Variants in CELSR1 observed in about 807,000 individuals in gnomAD.
CELSR1 encodes the protein cadherin EGF LAG seven-pass G-type receptor 1.
CELSR1 carries 110 observed loss-of-function variants against 249.1 expected under a neutral mutation model. The ratio of observed to expected loss-of-function variants is 0.44; its 90% confidence interval spans 0.38 to 0.52. The LOEUF is 0.52. Among genes scored for constraint, CELSR1 ranks in the 20% least tolerant of loss-of-function variants. CELSR1 has a pLI of 0.00. For synonymous variants in CELSR1, 2,113 were observed against 1,900.0 expected, an observed-to-expected ratio of 1.11 and a Z score of -2.92; for missense variants, 4,109 against 4,296.4, an observed-to-expected ratio of 0.96 and a Z score of 1.22.
Position 46,395,908 on chromosome 22 carries a change from C to G in CELSR1, c.5843+697G>C, listed in dbSNP as rs1460440983. ...CCCAGAGAGCACGCTGCTGCCTGTC[C>G]TAACCACACTAGGATCTCCGCACAC... On this transcript the variant is annotated intron_variant, in intron 13 of 34. Transcript: ENST00000674500. This position sits in a 1 kb window ranked among gnomAD's most constrained non-coding sequence, Gnocchi z 5.5. 6.6e-6 allele frequency among the ~76,000 whole-genome samples: 1 copy of G among 152,214 alleles called. No homozygotes were observed. The highest frequency in any genetic ancestry group is 2.4e-5 in the African/African-American group (1 of 41,450).
rs2080838663 is a variant in CELSR1 at position 46,535,197 on chromosome 22, C to T, written c.1974G>A (p.Glu658=). ...EEVEHYSFGV[E]AVDHGSPPMS... is the part of the protein sequence containing the mutation. ...TGGGGGGCGAGCCGTGGTCCACCGC[C>T]TCCACCCCGAAGCTGTAGTGCTCCA... The change falls in exon 1 of 35, where the codon GAG becomes GAA. Residue 658 remains glutamate, a synonymous_variant. Coordinates refer to ENST00000674500, the MANE Select transcript of CELSR1 (RefSeq NM_001378328.1). 3 of 1,609,346 alleles carry T rather than the reference C, an allele frequency of 1.9e-6. No individual in the cohort carries two copies. The highest frequency in any genetic ancestry group is 2.5e-6 in the Non-Finnish European group (3 of 1,179,856).
intron 1 of CELSR1, among the ~76,000 whole-genome samples, chr22:46,469,190 G>A (rs946339421): frequency 1.3e-5 from 2 of 152,070 alleles, no homozygotes; most frequent in African/African-American, 4.8e-5. Context: ...TCATCCTCAT[G>A]TGGCAGCCAG....
intron 1 of CELSR1, chr22:46,530,306 A>T (rs2080778880): frequency 6.6e-6 from 1 of 150,604 alleles, no homozygotes. Context: ...CACACACATA[A>T]ATTTGTGTAT....
rs2079918266 is a variant in CELSR1 at position 46,454,145 on chromosome 22, G to A, written c.4183+9562C>T. ...GTGGTGGAAGCAGGGGTCGGAGTGA[G>A]GTGAGGAAGGTGCCAGGGACTAAGG... On this transcript the variant is annotated intron_variant, in intron 2 of 34. Transcript: ENST00000674500. The surrounding 1 kb of genome is among the most constrained non-coding windows in gnomAD (Gnocchi z 5.1). 1.3e-5 allele frequency among the ~76,000 whole-genome samples: 2 copies of A among 152,144 alleles called. No individual in the cohort carries two copies. Among genetic ancestry groups the A allele is most frequent in the African/African-American group, 2.4e-5 (1 of 41,436 alleles).
At chr22:46,384,428 G>A (rs2079010497) in intron 20 of CELSR1, 115 bp downstream of exon 20, 2 of 1,273,470 alleles carry the variant, frequency 1.6e-6, no homozygotes, top group Non-Finnish European at 2.1e-6. Context: ...AGAGCACTCG[G>A]AACACTCTGG....
At chr22:46,509,789 G>A (rs142059683) in intron 1 of CELSR1, among the ~76,000 whole-genome samples, 1 of 152,144 alleles carries the variant, frequency 6.6e-6, no homozygotes, top group Non-Finnish European at 1.5e-5. Flanking sequence ...GGCTGTGGGG[G>A]TCAACAGGGT....
At chr22:46,491,885 C>T (rs1240607786) in intron 1 of CELSR1, among the ~76,000 whole-genome samples, 1 of 152,188 alleles carries the variant, frequency 6.6e-6, no homozygotes, top group East Asian at 1.9e-4. Context: ...GATCCATCTG[C>T]CTCAGCCTCC....
At chr22:46,368,739 G>T (rs1271294653) in intron 27 of CELSR1, among the ~76,000 whole-genome samples, 1 of 152,016 alleles carries the variant, frequency 6.6e-6, no homozygotes, top group African/African-American at 2.4e-5. Flanking sequence ...AACACTGGAG[G>T]TTCCCTCTGT....
At chr22:46,382,977 C>G (rs776133775) in intron 20 of CELSR1, among the ~76,000 whole-genome samples, 2 of 152,176 alleles carry the variant, frequency 1.3e-5, no homozygotes, top group Non-Finnish European at 1.5e-5. Flanking sequence ...ATGAATGTAT[C>G]TGATGCAGTT....
At position 46,391,430 on chromosome 22, in the gene CELSR1, C is replaced by T. The variant is rs998063668; in HGVS notation, c.6149-143G>A. 2 of 907,610 alleles carry T rather than the reference C, an allele frequency of 2.2e-6. No individual in the cohort carries two copies. Among genetic ancestry groups the T allele is most frequent in the African/African-American group, 1.7e-5 (1 of 59,530 alleles). The allele number at this position is 907,610 out of a possible 1,614,324, so 56.2% of individuals were successfully genotyped here. A position where few individuals can be genotyped will look rare whatever the true frequency, so the allele number is the denominator to read the frequency against. Reference sequence around the variant, plus strand: ...ACCCTAGCATCTCCCCTGCCCCCATCCATGTCAGAGCTGGAGAGGGGTGAC... The same window carrying T: ...ACCCTAGCATCTCCCCTGCCCCCATTCATGTCAGAGCTGGAGAGGGGTGAC... On this transcript the variant is annotated intron_variant, in intron 15 of 34. Transcript: ENST00000674500. The surrounding 1 kb of genome is among the most constrained non-coding windows in gnomAD (Gnocchi z 4.3).
At position 46,383,936 on chromosome 22, in the gene CELSR1, T is replaced by C. The variant is rs149983573; in HGVS notation, c.6883+607A>G. On this transcript the variant is annotated intron_variant, in intron 20 of 34. Transcript: ENST00000674500. ...ATTACATGGCTGAGTATCCCTCAGC[T>C]GAAATGCTTGGGAACATTTTGGAAT... Among the ~76,000 whole-genome samples the C allele has an allele frequency of 2.3e-3, 343 of 152,274 alleles. 2 individuals carry two copies. The highest frequency in any genetic ancestry group is 8.1e-3 in the African/African-American group (338 of 41,552).
At position 46,380,981 on chromosome 22, in the gene CELSR1, G is replaced by A. The variant is rs751924600; in HGVS notation, c.7089-26C>T. ...CTGAGGTCAAGAAGCCAGAGCATGGGGACAAACACGGTGAGGAAACATCTG... is the reference window on the plus strand; with the variant it reads ...CTGAGGTCAAGAAGCCAGAGCATGGAGACAAACACGGTGAGGAAACATCTG... On this transcript the variant is annotated intron_variant, in intron 21 of 34. Transcript: ENST00000674500. This position sits in a 1 kb window ranked among gnomAD's most constrained non-coding sequence, Gnocchi z 5.1. 1.2e-6 allele frequency: 2 copies of A among 1,604,842 alleles called. No homozygotes were observed. The highest frequency in any genetic ancestry group is 4.5e-5 in the East Asian group (2 of 44,600).
intron 2 of CELSR1, 26 bp from the exon 3 acceptor site, chr22:46,439,437 A>G (rs754628600): frequency 3.3e-5 from 53 of 1,584,888 alleles, no homozygotes; most frequent in Middle Eastern, 4.4e-4. Flanking sequence ...AAGATGCCAG[A>G]GAGGAGGTTA....
At chr22:46,485,856 C>T (rs1168033626) in intron 1 of CELSR1, among the ~76,000 whole-genome samples, 2 of 151,004 alleles carry the variant, frequency 1.3e-5, no homozygotes, top group Non-Finnish European at 1.5e-5. Flanking sequence ...CTGCTTGTGT[C>T]GTTTGTCTAT....
At chr22:46,378,129 T>TA (rs1451495694) in intron 23 of CELSR1, among the ~76,000 whole-genome samples, 1 of 152,198 alleles carries the variant, frequency 6.6e-6, no homozygotes, top group Non-Finnish European at 1.5e-5. Flanking sequence ...GGTTAAACAT[T>TA]AGCCGCCCAG....
In CELSR1 at chr22:46,486,646, C is replaced by A. The variant is rs529099521; in HGVS notation, c.3545-22301G>T. On this transcript the variant is annotated intron_variant, in intron 1 of 34. Coordinates refer to ENST00000674500, the MANE Select transcript of CELSR1 (RefSeq NM_001378328.1). ...TCACCTGAGGTCAGGAGTTTGAGACCAGCTTGGCCAACATAGTGAAACCCC... is the reference window on the plus strand; with the variant it reads ...TCACCTGAGGTCAGGAGTTTGAGACAAGCTTGGCCAACATAGTGAAACCCC... Among the ~76,000 whole-genome samples the A allele has an allele frequency of 1.4e-3, 219 of 152,084 alleles. 2 individuals are homozygous for A. In the Middle Eastern group the frequency reaches 0.031, roughly 21 times the overall value.
chr22:46,390,996 A>G lies in CELSR1; in HGVS notation c.6250+190T>C, dbSNP rs547849695. Among the ~76,000 whole-genome samples the G allele has an allele frequency of 6.6e-6, 1 of 152,212 alleles. No homozygotes were observed. The highest frequency in any genetic ancestry group is 2.1e-4 in the South Asian group (1 of 4,830). On this transcript the variant is annotated intron_variant, in intron 16 of 34. Transcript: ENST00000674500. This position sits in a 1 kb window ranked among gnomAD's most constrained non-coding sequence, Gnocchi z 6.3. ...CGTCCCCACACGCGCTGCACTGTTC[A>G]TGTTTCTGTTGCGCCCTCTGCCTGC...
In CELSR1 at chr22:46,490,942, T is replaced by G. The variant is rs1297980833; in HGVS notation, c.3545-26597A>C. On this transcript the variant is annotated intron_variant, in intron 1 of 34. Transcript: ENST00000674500. The surrounding 1 kb of genome is among the most constrained non-coding windows in gnomAD (Gnocchi z 5.2). ...GTCCAGTGACTTGCCCAAGGCCACCTGAGGGCTGCCTCTGCACCCACAGGC... is the reference window on the plus strand; with the variant it reads ...GTCCAGTGACTTGCCCAAGGCCACCGGAGGGCTGCCTCTGCACCCACAGGC... Among the ~76,000 whole-genome samples, 1 of 152,138 alleles carries G rather than the reference T, an allele frequency of 6.6e-6. No homozygotes were observed. The highest frequency in any genetic ancestry group is 2.4e-5 in the African/African-American group (1 of 41,424).
intron 25 of CELSR1, among the ~76,000 whole-genome samples, chr22:46,372,200 C>A (rs932680423): frequency 6.7e-6 from 1 of 149,906 alleles, no homozygotes; most frequent in African/African-American, 2.5e-5. Flanking sequence ...ACTCACTCAC[C>A]CCTCCAACCA....
Sources: allele counts gnomAD v4.1 joint callset (sites outside exome capture counted in the v4.1 genomes callset), GRCh38; gene constraint gnomAD v4.1.1; non-coding constraint Gnocchi (gnomAD v3.1); transcripts MANE v1.5; gene names NCBI Gene and HGNC (gene_info 2026-07-23, HGNC 2026-07-21).